ACKR4: variants seen among roughly 807,000 people sequenced by gnomAD.
The protein encoded by ACKR4 is atypical chemokine receptor 4, also known as C-C CKR-11.
Under a neutral mutation model 8.5 loss-of-function variants are expected in ACKR4, and 2 were observed. That is an observed-to-expected ratio of 0.23 (90% confidence interval 0.10 to 0.74). The LOEUF is 0.74. Among genes scored for constraint, ACKR4 ranks in the 30% least tolerant of loss-of-function variants. ACKR4 has a pLI of 0.75. For synonymous variants in ACKR4, 67 were observed against 145.0 expected, an observed-to-expected ratio of 0.46 and a Z score of 3.86; for missense variants, 167 against 422.1, an observed-to-expected ratio of 0.40 and a Z score of 5.30.
chr3:132,599,582 T>G (rs1938477464), intron 1 of ACKR4, among the ~76,000 whole-genome samples: 1 of 152,116 alleles, frequency 6.6e-6, no homozygotes, highest in South Asian at 2.1e-4. Flanking sequence ...ATAGCTGAAT[T>G]GTGCAAATGT....
chr3:132,600,308 G>A, intron 1 of ACKR4, 81 bp from the exon 2 acceptor site: 1 of 1,245,012 alleles, frequency 8.0e-7, no homozygotes. Context: ...TCTAGGGAAA[G>A]AACAAAACAG....
intron 1 of ACKR4, among the ~76,000 whole-genome samples, chr3:132,599,151 A>G (rs1356347696): frequency 1.3e-5 from 2 of 152,124 alleles, no homozygotes; most frequent in Non-Finnish European, 2.9e-5. Context: ...CGTCTCTATC[A>G]AAAATACAAA....
chr3:132,602,380 A>G lies in ACKR4; in HGVS notation c.*930A>G, dbSNP rs1938646831. Reference sequence around the variant, plus strand: ...GACTATCATTTTCATCTGGGTTCCAATTTCTTAACTTCCTAAAGAATTCAT... The same window carrying G: ...GACTATCATTTTCATCTGGGTTCCAGTTTCTTAACTTCCTAAAGAATTCAT... On this transcript the variant is annotated 3_prime_UTR_variant, in exon 2 of 2. Transcript: ENST00000249887. 6.6e-6 allele frequency among the ~76,000 whole-genome samples: 1 copy of G among 152,160 alleles called. No individual in the cohort carries two copies. Among genetic ancestry groups the G allele is most frequent in the Admixed American group, 6.5e-5 (1 of 15,270 alleles).
chr3:132,601,759 T>C lies in ACKR4; in HGVS notation c.*309T>C. On this transcript the variant is annotated 3_prime_UTR_variant, in exon 2 of 2. Coordinates refer to ENST00000249887, the MANE Select transcript of ACKR4 (RefSeq NM_016557.4). ...TGTATCTTGGTTGCAGTGGTGCTTA[T>C]ACAAATCTACACAAGTGATAAAATG... 4.9e-6 allele frequency: 2 copies of C among 407,794 alleles called. No homozygotes were observed. The highest frequency in any genetic ancestry group is 9.6e-6 in the Non-Finnish European group (2 of 207,520). 25.3% of individuals were successfully genotyped at this position (407,794 alleles called of 1,614,324 possible).
rs1356311776 is a variant in ACKR4, at chr3:132,600,736, A to G, written c.339A>G (p.Lys113=). The change falls in exon 2 of 2, where the codon AAA becomes AAG. Residue 113 remains lysine (K), a synonymous_variant. Coordinates refer to ENST00000249887, the MANE Select transcript of ACKR4 (RefSeq NM_016557.4). ...GGGTTTTAGGGAAAATAATGTGCAA[A>G]ATAACTTCAGCCTTGTACACACTAA... ...HGWVLGKIMC[K]ITSALYTLNF... 1.2e-6 allele frequency: 2 copies of G among 1,613,970 alleles called. No homozygotes were observed. The highest frequency in any genetic ancestry group is 2.2e-5 in the South Asian group (2 of 91,058).
At chr3:132,599,158 CA>C (rs968034661) in intron 1 of ACKR4, among the ~76,000 whole-genome samples, 1 of 151,598 alleles carries the variant, frequency 6.6e-6, no homozygotes. Flanking sequence ...ATCAAAAATA[CA>C]AAAAGTTATA....
rs1428790210 is a variant in ACKR4, at chr3:132,600,681, C to A, written c.284C>A (p.Pro95His). The A allele has an allele frequency of 2.5e-6, 4 of 1,613,662 alleles. No homozygotes were observed. The part of the protein sequence containing the change: ...VADLLLLFTL[P>H]FWAVNAVHGW... ...GATTTACTCCTTCTATTCACTCTGC[C>A]TTTTTGGGCTGTTAATGCAGTTCAT... Residue 95 changes from proline to histidine, a missense_variant, in exon 2 of 2, where the codon CCT (proline) becomes CAT (histidine). Coordinates refer to ENST00000249887, the MANE Select transcript of ACKR4 (RefSeq NM_016557.4).
chr3:132,600,992 T>C lies in ACKR4; in HGVS notation c.595T>C (p.Leu199=), dbSNP rs200045620. The C allele has an allele frequency of 6.4e-5, 103 of 1,613,430 alleles. No individual in the cohort carries two copies. Among genetic ancestry groups the C allele is most frequent in the Middle Eastern group, 3.3e-4 (2 of 6,056 alleles). ...PRYLGTSMKA[L]IQMLEICIGF... ...CTACCTAGGAACATCAATGAAAGCA[T>C]TGATTCAAATGCTAGAGATCTGCAT... Residue 199 remains leucine (L), a synonymous_variant, in exon 2 of 2, where the codon TTG becomes CTG. Coordinates refer to ENST00000249887, the MANE Select transcript of ACKR4 (RefSeq NM_016557.4).
At chr3:132,598,219 T>C (rs987948029) in intron 1 of ACKR4, among the ~76,000 whole-genome samples, 13 of 152,308 alleles carry the variant, frequency 8.5e-5, no homozygotes, top group African/African-American at 2.6e-4. Context: ...TTCAGCACTA[T>C]AATAAAAACA....
chr3:132,597,723 C>G (rs1381314613), intron 1 of ACKR4, among the ~76,000 whole-genome samples: 2 of 151,848 alleles, frequency 1.3e-5, no homozygotes, highest in African/African-American at 4.8e-5. Context: ...CTTTTTTACT[C>G]ACATTTTTAG....
chr3:132,599,317 C>T (rs141972181), intron 1 of ACKR4, among the ~76,000 whole-genome samples: 2 of 151,862 alleles, frequency 1.3e-5, no homozygotes, highest in African/African-American at 4.8e-5. Context: ...AACAGTCTGG[C>T]CAACATAGTG....
At position 132,597,337 on chromosome 3, in the gene ACKR4, T is replaced by C. The variant is rs1434676094; in HGVS notation, c.-10+14T>C. ...CGACTACAACAGGTTGGTACTTTAT[T>C]TCTTTTCTTATTCTGACTTGAATAT... On this transcript the variant is annotated intron_variant, in intron 1 of 1. Transcript: ENST00000249887. 5.9e-4 allele frequency: 90 copies of C among 152,266 alleles called. No individual in the cohort carries two copies. The highest frequency in any genetic ancestry group is 1.5e-5 in the Non-Finnish European group (1 of 68,020). The allele number at this position is 152,266 out of a possible 1,614,324, so 9.4% of individuals were successfully genotyped here.
chr3:132,600,345 C>T, intron 1 of ACKR4, 44 bp from the exon 2 acceptor site: 1 of 1,442,416 alleles, frequency 6.9e-7, no homozygotes, highest in Non-Finnish European at 9.3e-7. Context: ...TCCTTTTAAG[C>T]ATATTTAGAC....
chr3:132,599,304 G>T (rs1458060916), intron 1 of ACKR4, among the ~76,000 whole-genome samples: 5 of 152,024 alleles, frequency 3.3e-5, no homozygotes, highest in African/African-American at 9.7e-5. Context: ...TCAGGAGTGC[G>T]AGAACAGTCT....
chr3:132,602,530 G>A lies in ACKR4; in HGVS notation c.*1080G>A, dbSNP rs1938657255. On this transcript the variant is annotated 3_prime_UTR_variant, in exon 2 of 2. Coordinates refer to ENST00000249887, the MANE Select transcript of ACKR4 (RefSeq NM_016557.4). ...AAAATATGTACCACAATAAATTATTGTTAATTAACATGTACAGCTTATCTT... is the reference window on the plus strand; with the variant it reads ...AAAATATGTACCACAATAAATTATTATTAATTAACATGTACAGCTTATCTT... 6.6e-6 allele frequency among the ~76,000 whole-genome samples: 1 copy of A among 151,814 alleles called. No individual in the cohort carries two copies. Among genetic ancestry groups the A allele is most frequent in the South Asian group, 2.1e-4 (1 of 4,812 alleles).
chr3:132,597,381 C>T (rs1938361705), intron 1 of ACKR4, 58 bp downstream of exon 1: 1 of 148,210 alleles, frequency 6.7e-6, no homozygotes, highest in African/African-American at 2.5e-5. Context: ...GCCCAAAGAT[C>T]TTGTATATTT....
chr3:132,600,425 G>A lies in ACKR4; in HGVS notation c.28G>A (p.Asp10Asn), dbSNP rs761684366. The A allele has an allele frequency of 3.7e-6, 6 of 1,604,446 alleles. No homozygotes were observed. Among genetic ancestry groups the A allele is most frequent in the Non-Finnish European group, 5.1e-6 (6 of 1,175,206 alleles). Reference sequence around the variant, plus strand: ...GGCTTTGGAACAGAACCAGTCAACAGATTATTATTATGAGGAAAATGAAAT... The same window carrying A: ...GGCTTTGGAACAGAACCAGTCAACAAATTATTATTATGAGGAAAATGAAAT... MALEQNQST[D>N]YYYEENEMNG... is the part of the protein sequence containing the mutation. Residue 10 changes from aspartate (D) to asparagine (N), a missense_variant, in exon 2 of 2, where the codon GAT (aspartate) becomes AAT (asparagine). By Grantham distance (23) the Asp-to-Asn change is conservative (BLOSUM62 1). Coordinates refer to ENST00000249887, the MANE Select transcript of ACKR4 (RefSeq NM_016557.4).
chr3:132,597,523 G>A (rs559297960), intron 1 of ACKR4, among the ~76,000 whole-genome samples, 200 bp downstream of exon 1: 74 of 151,272 alleles, frequency 4.9e-4, no homozygotes, highest in Middle Eastern at 3.5e-3. Flanking sequence ...AAGAAAATAC[G>A]ATTTTAAATG....
At position 132,602,519 on chromosome 3, in the gene ACKR4, A is replaced by C. The variant is rs1397025427; in HGVS notation, c.*1069A>C. Among the ~76,000 whole-genome samples the C allele has an allele frequency of 6.6e-6, 1 of 152,190 alleles. No homozygotes were observed. The highest frequency in any genetic ancestry group is 6.5e-5 in the Admixed American group (1 of 15,268). ...TTTGAGTAATAAAAATATGTACCAC[A>C]ATAAATTATTGTTAATTAACATGTA... is the stretch of plus-strand genomic sequence containing the variant. On this transcript the variant is annotated 3_prime_UTR_variant, in exon 2 of 2. Coordinates refer to ENST00000249887, the MANE Select transcript of ACKR4 (RefSeq NM_016557.4).
Sources: gnomAD v4.1 joint callset for allele counts (sites outside exome capture counted in the v4.1 genomes callset) on GRCh38, gnomAD v4.1.1 for gene constraint, MANE v1.5 for transcripts, NCBI Gene and HGNC (gene_info 2026-07-23, HGNC 2026-07-21) for gene names.